Variants in NR3C2 observed in about 807,000 individuals in gnomAD.
NR3C2 encodes the protein nuclear receptor subfamily 3 group C member 2.
NR3C2 carries 15 observed loss-of-function variants against 86.4 expected under a neutral mutation model. The ratio of observed to expected loss-of-function variants is 0.17; its 90% CI spans 0.12 to 0.27. NR3C2 has a LOEUF of 0.27. NR3C2 is among the 10% of genes least tolerant of loss of function. NR3C2 has a pLI of 1.00. For synonymous variants in NR3C2, 458 were observed against 450.5 expected, an observed-to-expected ratio of 1.02 and a Z score of -0.21; for missense variants, 960 against 1,195.6, an observed-to-expected ratio of 0.80 and a Z score of 2.91.
intron 2 of NR3C2, among the ~76,000 whole-genome samples, chr4:148,408,666 A>T (rs746028036): frequency 6.6e-6 from 1 of 152,184 alleles, no homozygotes; most frequent in African/African-American, 2.4e-5. Flanking sequence ...AACCATTTTA[A>T]CTATTTAATT....
In NR3C2 at chr4:148,334,752, C is replaced by T. The variant is rs192795742; in HGVS notation, c.1758-74635G>A. Among the ~76,000 whole-genome samples, 6 of 152,268 alleles carry T rather than the reference C, an allele frequency of 3.9e-5. No individual in the cohort carries two copies. In the East Asian group the frequency reaches 1.2e-3, roughly 29 times the overall value. On this transcript the variant is annotated intron_variant, in intron 2 of 8. Coordinates refer to ENST00000358102, the MANE Select transcript of NR3C2 (RefSeq NM_000901.5). ...GTTTGCTAGGGCTGCCTTAAAGAAC[C>T]ACAAACAAGGTGGCTTAAACTACAG...
upstream of NR3C2, chr4:148,444,896 C>T: frequency 1.0e-6 from 1 of 985,048 alleles, no homozygotes; most frequent in Non-Finnish European, 1.2e-6. Flanking sequence ...GCCCGCCGCT[C>T]CGCAGCGCCA....
chr4:148,274,174 A>G (rs1740843629), intron 2 of NR3C2, among the ~76,000 whole-genome samples: 1 of 152,242 alleles, frequency 6.6e-6, no homozygotes, highest in Admixed American at 6.5e-5. Flanking sequence ...AGAAGCAGCA[A>G]AAACTTTCCA....
intron 2 of NR3C2, among the ~76,000 whole-genome samples, chr4:148,323,451 T>A (rs6839414): frequency 1.5e-5 from 2 of 137,562 alleles, no homozygotes; most frequent in Non-Finnish European, 3.1e-5. Flanking sequence ...ATCAAGCCTG[T>A]GCAATGGCGG....
chr4:148,317,410 AT>A (rs1452315040), intron 2 of NR3C2, among the ~76,000 whole-genome samples: 1 of 152,102 alleles, frequency 6.6e-6, no homozygotes, highest in African/African-American at 2.4e-5. Context: ...CTACCTTAAA[AT>A]TTTTTAGCTA....
At chr4:148,234,007 A>C (rs1388570346) in intron 3 of NR3C2, among the ~76,000 whole-genome samples, 1 of 152,212 alleles carries the variant, frequency 6.6e-6, no homozygotes, top group Non-Finnish European at 1.5e-5. Context: ...CAATAACTGC[A>C]AGGCACAATA....
chr4:148,437,891 C>T lies in NR3C2; in HGVS notation c.-2-1029G>A, dbSNP rs930890821. Among the ~76,000 whole-genome samples, 9 of 152,130 alleles carry T rather than the reference C, an allele frequency of 5.9e-5. No individual in the cohort carries two copies. In the South Asian group the frequency reaches 6.2e-4, roughly 10 times the overall value. ...TTTCAGATATATAACCATATCCATG[C>T]GCTCTATAGATCAATTTACTTCACA... On this transcript the variant is annotated intron_variant, in intron 1 of 8. Coordinates refer to ENST00000358102, the MANE Select transcript of NR3C2 (RefSeq NM_000901.5).
intron 8 of NR3C2, among the ~76,000 whole-genome samples, chr4:148,088,755 C>T (rs530625686): frequency 4.2e-4 from 64 of 152,152 alleles, no homozygotes; most frequent in South Asian, 1.9e-3. Flanking sequence ...AGGAGAAATA[C>T]CTAATGTAGA....
chr4:148,126,427 G>A (rs1022133544), intron 6 of NR3C2, among the ~76,000 whole-genome samples: 4 of 152,158 alleles, frequency 2.6e-5, no homozygotes, highest in Non-Finnish European at 5.9e-5. Context: ...CAGGAATACA[G>A]TATTATGTTA....
At chr4:148,423,143 T>C (rs949454961) in intron 2 of NR3C2, among the ~76,000 whole-genome samples, 1 of 152,146 alleles carries the variant, frequency 6.6e-6, no homozygotes, top group African/African-American at 2.4e-5. Context: ...TGACAGCCTC[T>C]ACACTGTGCT....
intron 3 of NR3C2, among the ~76,000 whole-genome samples, chr4:148,235,700 A>C (rs1738716707): frequency 6.8e-6 from 1 of 146,908 alleles, no homozygotes; most frequent in Non-Finnish European, 1.5e-5. Flanking sequence ...CAATAATTTA[A>C]TTTTAAACCA....
intron 3 of NR3C2, among the ~76,000 whole-genome samples, chr4:148,207,240 T>C (rs1737051509): frequency 6.6e-6 from 1 of 152,172 alleles, no homozygotes; most frequent in African/African-American, 2.4e-5. Context: ...GGTGATACTA[T>C]CCTCATGTCC....
At chr4:148,096,467 AG>A (rs1731280620) in intron 8 of NR3C2, among the ~76,000 whole-genome samples, 1 of 152,166 alleles carries the variant, frequency 6.6e-6, no homozygotes, top group South Asian at 2.1e-4. Flanking sequence ...TCCCCAAAAA[AG>A]GAACACCAAG....
chr4:148,260,786 G>C (rs990515392), intron 2 of NR3C2, among the ~76,000 whole-genome samples: 2 of 152,154 alleles, frequency 1.3e-5, no homozygotes, highest in Non-Finnish European at 2.9e-5. Context: ...AGAAACTGAA[G>C]GGCTCTCTGG....
intron 4 of NR3C2, among the ~76,000 whole-genome samples, chr4:148,185,172 G>A (rs1735835347): frequency 6.6e-6 from 1 of 152,226 alleles, no homozygotes; most frequent in South Asian, 2.1e-4. Context: ...TAGGTATGCT[G>A]ATCAATGCAA....
chr4:148,405,838 T>C (rs2126548092), intron 2 of NR3C2, among the ~76,000 whole-genome samples: 1 of 152,268 alleles, frequency 6.6e-6, no homozygotes, highest in East Asian at 1.9e-4. Flanking sequence ...AACTCAGACT[T>C]CCTAAGTCTC....
At chr4:148,135,038 A>G (rs1165962221) in intron 6 of NR3C2, among the ~76,000 whole-genome samples, 89 of 151,968 alleles carry the variant, frequency 5.9e-4, no homozygotes, top group Non-Finnish European at 2.2e-4. Context: ...GCCCTCCCTC[A>G]CTGTGATGCT....
chr4:148,419,076 T>C (rs2126598154), intron 2 of NR3C2, among the ~76,000 whole-genome samples: 1 of 149,316 alleles, frequency 6.7e-6, no homozygotes, highest in East Asian at 2.0e-4. Flanking sequence ...CTGCATTCTC[T>C]ATTTCACGGT....
chr4:148,307,098 C>T (rs1742666614), intron 2 of NR3C2, among the ~76,000 whole-genome samples: 1 of 151,306 alleles, frequency 6.6e-6, no homozygotes, highest in East Asian at 1.9e-4. Flanking sequence ...TTCAGCCTCA[C>T]TGATAAGAAA....
Sources: allele counts gnomAD v4.1 joint callset (sites outside exome capture counted in the v4.1 genomes callset), GRCh38; gene constraint gnomAD v4.1.1; transcripts MANE v1.5; gene names NCBI Gene and HGNC (gene_info 2026-07-23, HGNC 2026-07-21).